The following PGAM5 variants were observed in gnomAD, a reference collection of about 807,000 sequenced individuals.
PGAM5 encodes PGAM family member 5, mitochondrial serine/threonine protein phosphatase.
Under a neutral mutation model 30.6 loss-of-function variants are expected in PGAM5, and 25 were observed. That is an observed-to-expected ratio of 0.82 (90% CI 0.60 to 1.14). PGAM5 has a LOEUF of 1.14. Ranked by LOEUF, PGAM5 falls within the 50% of genes most tolerant of loss-of-function variation. The probability of loss-of-function intolerance (pLI) is 0.00; values close to 1 mark genes in which losing one functional copy is unlikely to be tolerated. For missense variants in PGAM5, 384 were observed against 408.5 expected (o/e 0.94, Z 0.52); for synonymous variants, 201 against 179.1 (o/e 1.12, Z -0.98).
intron 3 of PGAM5, 41 bp from the exon 4 acceptor site, chr12:132,717,668 GC>G (rs747434727): frequency 6.4e-7 from 1 of 1,566,932 alleles, no homozygotes. Flanking sequence ...ATCTCCGCCG[GC>G]GGGGCCGCCT....
chr12:132,718,864 C>T (rs1170937823), intron 5 of PGAM5: 2 of 1,612,084 alleles, frequency 1.2e-6, no homozygotes, highest in African/African-American at 2.7e-5. Flanking sequence ...AGCGTGACGG[C>T]TCGGGGTGTC....
chr12:132,720,913 T>C lies in PGAM5; in HGVS notation c.*85T>C, dbSNP rs2043638917. 43 of 1,431,674 alleles carry C rather than the reference T, an allele frequency of 3.0e-5. No homozygotes were observed. Among genetic ancestry groups the C allele is most frequent in the Non-Finnish European group, 4.0e-5 (43 of 1,080,492 alleles). 88.7% of individuals were successfully genotyped at this position (1,431,674 alleles called of 1,614,324 possible). On this transcript the variant is annotated 3_prime_UTR_variant, in exon 6 of 6. Transcript: ENST00000498926. ...TGTTCCCAAGGAGACCGGCGGAAAG[T>C]AGAAACCTGCAATGCTGCATCTGGG...
At chr12:132,716,818 G>A (rs1357795165) in intron 2 of PGAM5, among the ~76,000 whole-genome samples, 9 of 152,210 alleles carry the variant, frequency 5.9e-5, no homozygotes, top group Admixed American at 2.6e-4. Flanking sequence ...CTCCACAGAC[G>A]CCGCCCCCCA....
At chr12:132,712,325 C>G (rs1300058219) in intron 1 of PGAM5, among the ~76,000 whole-genome samples, 1 of 152,214 alleles carries the variant, frequency 6.6e-6, no homozygotes, top group African/African-American at 2.4e-5. Context: ...GTGACAATTT[C>G]TCAGACTTGT....
intron 5 of PGAM5, among the ~76,000 whole-genome samples, chr12:132,720,290 G>A (rs1005662918): frequency 6.7e-6 from 1 of 149,666 alleles, no homozygotes; most frequent in South Asian, 2.1e-4. Flanking sequence ...TAAGGACAGA[G>A]TCCCCTGGCT....
Position 132,722,163 on chromosome 12 carries a change from T to C in PGAM5, c.*1335T>C, listed in dbSNP as rs763349982. ...ACAGCCCAATAGGGGGTTACCCTTA[T>C]TGAGTAAAATACTTCAGATTGACAG... On this transcript the variant is annotated 3_prime_UTR_variant, in exon 6 of 6. Transcript: ENST00000498926. 8 of 152,228 alleles carry C rather than the reference T, an allele frequency of 5.3e-5. No individual in the cohort carries two copies. The highest frequency in any genetic ancestry group is 1.4e-4 in the African/African-American group (6 of 41,448). 9.4% of individuals were successfully genotyped at this position (152,228 alleles called of 1,614,324 possible).
At chr12:132,717,324 G>A (rs1272935172) in intron 2 of PGAM5, 115 bp from the exon 3 acceptor site, 1 of 1,235,654 alleles carries the variant, frequency 8.1e-7, no homozygotes, top group Non-Finnish European at 1.1e-6. Context: ...GTGTTTGCGG[G>A]CGGAGGAGGG....
intron 5 of PGAM5, chr12:132,719,080 C>CT (rs1175647677): frequency 1.4e-6 from 2 of 1,406,094 alleles, no homozygotes; most frequent in African/African-American, 2.9e-5. Context: ...TAGAGGGCCC[C>CT]TTGGGGGGCA....
At position 132,721,312 on chromosome 12, in the gene PGAM5, G is replaced by C. The variant is rs1408793570; in HGVS notation, c.*484G>C. ...TTTGTCAATTAAAGATTTTCTGGCT[G>C]GGCACAGTGGCTCACACCTGTATTC... On this transcript the variant is annotated 3_prime_UTR_variant, in exon 6 of 6. Transcript: ENST00000498926. 6.6e-6 allele frequency: 1 copy of C among 152,630 alleles called. No homozygotes were observed. Among genetic ancestry groups the C allele is most frequent in the Non-Finnish European group, 1.5e-5 (1 of 68,370 alleles). The allele number at this position is 152,630 out of a possible 1,614,324, so 9.5% of individuals were successfully genotyped here. A position where few individuals can be genotyped will look rare whatever the true frequency, so the allele number is the denominator to read the frequency against.
rs1282106565 is a variant in PGAM5, at chr12:132,721,294, A to G, written c.*466A>G. The G allele has an allele frequency of 6.5e-6, 1 of 152,674 alleles. No homozygotes were observed. The highest frequency in any genetic ancestry group is 1.5e-5 in the Non-Finnish European group (1 of 68,364). The allele number at this position is 152,674 out of a possible 1,614,324, so 9.5% of individuals were successfully genotyped here. A position where few individuals can be genotyped will look rare whatever the true frequency, so the allele number is the denominator to read the frequency against. ...CCTCTTGTCCCTTAAATATTTGTCA[A>G]TTAAAGATTTTCTGGCTGGGCACAG... On this transcript the variant is annotated 3_prime_UTR_variant, in exon 6 of 6. Coordinates refer to ENST00000498926, the MANE Select transcript of PGAM5 (RefSeq NM_001170543.2).
chr12:132,710,987 G>GGAGCCACGCCCGGCT lies in PGAM5; in HGVS notation c.117_131dup (p.Arg40_Pro44dup). 2 of 1,200,814 alleles carry GGAGCCACGCCCGGCT rather than the reference G, an allele frequency of 1.7e-6. No individual in the cohort carries two copies. The highest frequency in any genetic ancestry group is 2.1e-6 in the Non-Finnish European group (2 of 968,506). 74.4% of individuals were successfully genotyped at this position (1,200,814 alleles called of 1,614,324 possible). On this transcript the variant is annotated inframe_insertion, in exon 1 of 6. Coordinates refer to ENST00000498926, the MANE Select transcript of PGAM5 (RefSeq NM_001170543.2). The stretch of plus-strand genomic sequence containing the variant: ...GGAAGCCGCGCGCAGGCGGGGACGC[G>GGAGCCACGCCCGGCT]GAGCCACGCCCGGCTGAGCCGCCGG...
intron 5 of PGAM5, chr12:132,719,268 G>GCA (rs2043619942): frequency 9.2e-7 from 1 of 1,082,638 alleles, no homozygotes; most frequent in Admixed American, 4.9e-5. Context: ...GGACAGGACG[G>GCA]CACTGGTCAG....
chr12:132,720,359 G>A (rs879715621), intron 5 of PGAM5, among the ~76,000 whole-genome samples: 2 of 150,962 alleles, frequency 1.3e-5, no homozygotes, highest in Non-Finnish European at 2.9e-5. Flanking sequence ...CCAGGCTGGA[G>A]TGCAGTGGCG....
intron 5 of PGAM5, chr12:132,719,117 A>C (rs2043618364): frequency 7.4e-7 from 1 of 1,357,738 alleles, no homozygotes; most frequent in Non-Finnish European, 9.5e-7. Flanking sequence ...TACATGCCTG[A>C]AACAGTCAGA....
Position 132,721,153 on chromosome 12 carries a change from G to A in PGAM5, c.*325G>A. 1 of 210,770 alleles carries A rather than the reference G, an allele frequency of 4.7e-6. No individual in the cohort carries two copies. Among genetic ancestry groups the A allele is most frequent in the East Asian group, 1.0e-4 (1 of 9,528 alleles). The allele number at this position is 210,770 out of a possible 1,614,324, so 13.1% of individuals were successfully genotyped here. ...CAGCTGACCCGTGCTGAGGGTCCAG[G>A]CTCCATTGGCAAAGCCGGTCAGGCA... On this transcript the variant is annotated 3_prime_UTR_variant, in exon 6 of 6. Transcript: ENST00000498926.
chr12:132,714,846 T>C lies in PGAM5; in HGVS notation c.192-12T>C, dbSNP rs769544257. The C allele has an allele frequency of 1.1e-5, 17 of 1,612,786 alleles. No homozygotes were observed. Among genetic ancestry groups the C allele is most frequent in the Non-Finnish European group, 1.4e-5 (17 of 1,179,336 alleles). On this transcript the variant is annotated splice_polypyrimidine_tract_variant and intron_variant, in intron 1 of 5. Transcript: ENST00000498926. ...AGAGGTCTCAAGGACATATCTTGTA[T>C]TTCAACATCAGGCGAGAACCACTGT... is the stretch of plus-strand genomic sequence containing the variant.
At chr12:132,713,650 T>C (rs1281735444) in intron 1 of PGAM5, among the ~76,000 whole-genome samples, 2 of 152,290 alleles carry the variant, frequency 1.3e-5, no homozygotes, top group East Asian at 3.9e-4. Context: ...ACTTTTGCTA[T>C]TCCCAGCTCT....
At position 132,721,979 on chromosome 12, in the gene PGAM5, G is replaced by C. The variant is rs947325713; in HGVS notation, c.*1151G>C. The C allele has an allele frequency of 6.6e-6, 1 of 152,118 alleles. No individual in the cohort carries two copies. The highest frequency in any genetic ancestry group is 3.2e-3 in the Middle Eastern group (1 of 316). The allele number at this position is 152,118 out of a possible 1,614,324, so 9.4% of individuals were successfully genotyped here. On this transcript the variant is annotated 3_prime_UTR_variant, in exon 6 of 6. Coordinates refer to ENST00000498926, the MANE Select transcript of PGAM5 (RefSeq NM_001170543.2). ...CCAAATTTACAGATTTCCTGATGAT[G>C]TTGGGTCTGAACTCACCAACTTGAT... is the stretch of plus-strand genomic sequence containing the variant.
At chr12:132,712,222 T>C (rs1381564898) in intron 1 of PGAM5, among the ~76,000 whole-genome samples, 4 of 152,236 alleles carry the variant, frequency 2.6e-5, no homozygotes, top group Non-Finnish European at 5.9e-5. Context: ...AAGGTTCATG[T>C]TTCATTGAGA....
Sources: allele counts gnomAD v4.1 joint callset (sites outside exome capture counted in the v4.1 genomes callset), GRCh38; gene constraint gnomAD v4.1.1; transcripts MANE v1.5; gene names NCBI Gene and HGNC (gene_info 2026-07-23, HGNC 2026-07-21).